LIN28B: variants seen among roughly 807,000 people sequenced by gnomAD.
LIN28B encodes lin-28 RNA binding posttranscriptional regulator B.
Under a neutral mutation model 21.9 loss-of-function variants are expected in LIN28B, and 5 were observed. That is an observed-to-expected ratio of 0.23 (90% CI 0.12 to 0.48). The LOEUF (loss-of-function observed/expected upper bound fraction) is 0.48, where lower values mean the gene tolerates loss of function less well. LIN28B is among the 20% of genes least tolerant of loss of function. The pLI is 0.98. For missense variants in LIN28B, 245 were observed against 310.5 expected, an observed-to-expected ratio of 0.79 and a Z score of 1.58; for synonymous variants, 109 against 111.3, an observed-to-expected ratio of 0.98 and a Z score of 0.13.
intron 3 of LIN28B, among the ~76,000 whole-genome samples, chr6:105,077,453 A>G (rs1772449195): frequency 6.8e-6 from 1 of 147,566 alleles, no homozygotes; most frequent in African/African-American, 2.4e-5. Flanking sequence ...ATAAAATTTT[A>G]GAAGAAAATC....
chr6:104,959,501 G>A (rs775145492), intron 2 of LIN28B, among the ~76,000 whole-genome samples: 1 of 152,154 alleles, frequency 6.6e-6, no homozygotes, highest in Non-Finnish European at 1.5e-5. Context: ...GTTTTGATCT[G>A]TTGTCCTGTG....
At chr6:104,967,632 A>G (rs555210173) in intron 2 of LIN28B, among the ~76,000 whole-genome samples, 66 of 149,662 alleles carry the variant, frequency 4.4e-4, no homozygotes, top group African/African-American at 1.5e-3. Flanking sequence ...TTCTGTCCCA[A>G]CTCAGTTTTT....
chr6:105,011,972 AC>A lies in LIN28B; in HGVS notation c.199-14325del, dbSNP rs544533174. On this transcript the variant is annotated intron_variant, in intron 2 of 3. Coordinates refer to ENST00000345080, the MANE Select transcript of LIN28B (RefSeq NM_001004317.4). ...CAGGAGTTCGAGACTGGCCTGGCCA[AC>A]ATGGTGAAACCCCATCTCTACTAAA... Among the ~76,000 whole-genome samples the A allele has an allele frequency of 4.2e-4, 64 of 152,270 alleles. 4 individuals carry two copies. In the South Asian group the frequency reaches 0.01, roughly 25 times the overall value.
At chr6:104,973,423 G>A (rs1300646705) in intron 2 of LIN28B, among the ~76,000 whole-genome samples, 1 of 151,990 alleles carries the variant, frequency 6.6e-6, no homozygotes, top group Admixed American at 6.6e-5. Flanking sequence ...GCTTTATGCT[G>A]TCCCCAAATT....
intron 3 of LIN28B, among the ~76,000 whole-genome samples, chr6:105,070,923 C>T (rs1239589370): frequency 6.6e-6 from 1 of 152,158 alleles, no homozygotes; most frequent in Non-Finnish European, 1.5e-5. Flanking sequence ...GTCACCCAGG[C>T]TGGAATGCAG....
At chr6:104,994,629 C>T (rs2114277505) in intron 2 of LIN28B, among the ~76,000 whole-genome samples, 1 of 152,152 alleles carries the variant, frequency 6.6e-6, no homozygotes, top group African/African-American at 2.4e-5. Flanking sequence ...ATGTAAGAGT[C>T]GATTATTAAT....
intron 2 of LIN28B, among the ~76,000 whole-genome samples, chr6:104,971,338 C>A (rs1769980479): frequency 6.6e-6 from 1 of 151,950 alleles, no homozygotes. Context: ...AAAAATTCTT[C>A]CTTAAATTTT....
At chr6:104,956,966 T>TA (rs1778298824), upstream of LIN28B, 1 of 700,106 alleles carries the variant, frequency 1.4e-6, no homozygotes, top group African/African-American at 1.9e-5. Context: ...GATGTCAGCA[T>TA]AGATGAAATG....
chr6:104,940,895 G>A (rs1335416197), intron 2 of LIN28B: 2 of 152,888 alleles, frequency 1.3e-5, no homozygotes, highest in Admixed American at 6.5e-5. Context: ...CCCTCAGGAA[G>A]TGACAGACTC....
At chr6:105,042,327 ATAATC>A (rs960128962) in intron 3 of LIN28B, among the ~76,000 whole-genome samples, 57 of 152,326 alleles carry the variant, frequency 3.7e-4, no homozygotes, top group African/African-American at 1.3e-3. Context: ...AGCTTGTACT[ATAATC>A]TAAGTTGATA....
At position 105,080,965 on chromosome 6, in the gene LIN28B, T is replaced by C. The variant is rs544854549; in HGVS notation, c.*2182T>C. 9.2e-5 allele frequency: 14 copies of C among 152,702 alleles called. No homozygotes were observed. The East Asian group carries it at 2.5e-3, about 27-fold the overall frequency. The allele number at this position is 152,702 out of a possible 1,614,324, so 9.5% of individuals were successfully genotyped here. ...TCATGGTAAAAAAAAATAGAAACAC[T>C]TGAGAACTATGGTCTTTATGGGTGC... On this transcript the variant is annotated 3_prime_UTR_variant, in exon 4 of 4. Coordinates refer to ENST00000345080, the MANE Select transcript of LIN28B (RefSeq NM_001004317.4).
chr6:105,069,143 G>C (rs1772278557), intron 3 of LIN28B, among the ~76,000 whole-genome samples: 4 of 152,154 alleles, frequency 2.6e-5, no homozygotes, highest in Admixed American at 2.6e-4. Context: ...ATTTGAACCT[G>C]GGAGGTGGAG....
chr6:105,008,382 C>T lies in LIN28B; in HGVS notation c.199-17916C>T, dbSNP rs538659172. 5.3e-5 allele frequency among the ~76,000 whole-genome samples: 8 copies of T among 152,166 alleles called. 1 individual carries two copies. In the South Asian group the frequency reaches 1.5e-3, roughly 28 times the overall value. ...ATGCCAGGCTGGGCGCGGTGGCTCA[C>T]GTCTGTAATCCCAGCACTTTGGGAG... On this transcript the variant is annotated intron_variant, in intron 2 of 3. Coordinates refer to ENST00000345080, the MANE Select transcript of LIN28B (RefSeq NM_001004317.4).
At chr6:104,955,126 G>C (rs1778269150), upstream of LIN28B, among the ~76,000 whole-genome samples, 2 of 151,796 alleles carry the variant, frequency 1.3e-5, no homozygotes, top group Admixed American at 1.3e-4. Context: ...TTACTTTCTC[G>C]ATTTCATATT....
Position 104,937,525 on chromosome 6 carries a change from A to G in LIN28B, c.18+409A>G, listed in dbSNP as rs542348221. Reference sequence around the variant, plus strand: ...AGTGATCTGCCCGCCTCGGCCTCCCAAAGTGCTGGGATTACAGGCGTGAAC... The same window carrying G: ...AGTGATCTGCCCGCCTCGGCCTCCCGAAGTGCTGGGATTACAGGCGTGAAC... On this transcript the variant is annotated intron_variant, in intron 2 of 5. Transcript: ENST00000635857. Among the ~76,000 whole-genome samples, 36 of 152,302 alleles carry G rather than the reference A, an allele frequency of 2.4e-4. No individual in the cohort carries two copies. The South Asian group carries it at 5.8e-3, about 25-fold the overall frequency.
chr6:104,992,820 T>A (rs989291161), intron 2 of LIN28B, among the ~76,000 whole-genome samples: 7 of 152,126 alleles, frequency 4.6e-5, no homozygotes, highest in Non-Finnish European at 8.8e-5. Flanking sequence ...TGATCAAGTA[T>A]TTTTTACTAC....
At chr6:104,993,849 AAAGTT>A (rs1339769357) in intron 2 of LIN28B, among the ~76,000 whole-genome samples, 2 of 151,936 alleles carry the variant, frequency 1.3e-5, no homozygotes, top group African/African-American at 4.8e-5. Flanking sequence ...AAAAAAAAAA[AAAGTT>A]AAGACCCTTA....
At chr6:104,963,192 G>T (rs890841898) in intron 2 of LIN28B, among the ~76,000 whole-genome samples, 1 of 151,958 alleles carries the variant, frequency 6.6e-6, no homozygotes, top group Non-Finnish European at 1.5e-5. Context: ...GACTACAGGC[G>T]CCCGCCACCA....
At position 104,962,038 on chromosome 6, in the gene LIN28B, T is replaced by C. The variant is rs555612584; in HGVS notation, c.198+3752T>C. On this transcript the variant is annotated intron_variant, in intron 2 of 3. Transcript: ENST00000345080. ...TTGATATTTATTTCCAAAGTCATTA[T>C]CTTACCTAATAAGATGAAATGATCA... Among the ~76,000 whole-genome samples, 234 of 152,292 alleles carry C rather than the reference T, an allele frequency of 1.5e-3. 1 individual carries two copies. Among genetic ancestry groups the C allele is most frequent in the African/African-American group, 5.4e-3 (226 of 41,570 alleles).
Sources: gnomAD v4.1 joint callset for allele counts (sites outside exome capture counted in the v4.1 genomes callset) on GRCh38, gnomAD v4.1.1 for gene constraint, MANE v1.5 for transcripts, NCBI Gene and HGNC (gene_info 2026-07-23, HGNC 2026-07-21) for gene names.